The following VRK2 variants were observed in gnomAD, a reference collection of about 807,000 sequenced individuals.
VRK2 encodes VRK serine/threonine kinase 2, also known as serine/threonine-protein kinase VRK2.
In VRK2, 60 loss-of-function variants were observed where a neutral mutation model predicts 57.6. That is an observed-to-expected ratio of 1.04 (90% CI 0.85 to 1.29). VRK2 has a LOEUF of 1.29. VRK2 is among the 50% of genes most tolerant of loss of function. The pLI is 0.00. For synonymous variants in VRK2, 231 were observed against 199.2 expected (o/e 1.16, Z -1.35); for missense variants, 705 against 588.1 (o/e 1.20, Z -2.06).
At chr2:58,042,020 T>C (rs1005153013), upstream of VRK2, among the ~76,000 whole-genome samples, 3 of 152,132 alleles carry the variant, frequency 2.0e-5, no homozygotes, top group African/African-American at 4.8e-5. Flanking sequence ...AACCAAACTG[T>C]AGCCCAACCA....
intron 10 of VRK2, among the ~76,000 whole-genome samples, chr2:58,137,195 T>TATATC (rs373625694): frequency 0.34 from 7,461 of 21,790 alleles, 289 homozygotes; most frequent in East Asian, 0.42. Flanking sequence ...ATATGATACA[T>TATATC]ATATATCTCA....
At chr2:57,916,309 G>A (rs569803798) in intron 1 of VRK2, among the ~76,000 whole-genome samples, 54 of 151,908 alleles carry the variant, frequency 3.6e-4, no homozygotes, top group African/African-American at 1.3e-3. Context: ...AGGAAGTTGA[G>A]GCAGGAGAAT....
intron 2 of VRK2, among the ~76,000 whole-genome samples, chr2:58,027,601 A>G (rs1673970129): frequency 6.6e-6 from 1 of 152,170 alleles, no homozygotes; most frequent in South Asian, 2.1e-4. Context: ...AGAGTTTAAA[A>G]AGTCAATTAT....
chr2:57,963,220 G>A (rs1342588417), intron 1 of VRK2, among the ~76,000 whole-genome samples: 2 of 152,108 alleles, frequency 1.3e-5, no homozygotes, highest in Non-Finnish European at 2.9e-5. Context: ...CATTCAAACT[G>A]TAGCATGCAC....
intron 5 of VRK2, among the ~76,000 whole-genome samples, chr2:58,088,123 T>G (rs13414973): frequency 0.084 from 12,799 of 152,294 alleles, 565 homozygotes; most frequent in South Asian, 0.14. Flanking sequence ...AATGGTTCAG[T>G]ACAGCATTCT....
Position 58,001,988 on chromosome 2 carries a change from G to A in VRK2, c.-438-23677G>A, listed in dbSNP as rs530776081. Among the ~76,000 whole-genome samples, 230 of 152,066 alleles carry A rather than the reference G, an allele frequency of 1.5e-3. 2 individuals are homozygous for A. Among genetic ancestry groups the A allele is most frequent in the African/African-American group, 5.3e-3 (219 of 41,474 alleles). On this transcript the variant is annotated intron_variant, in intron 1 of 15. Transcript: ENST00000417641. ...AGAATTTAACACCACTATCAATTCT[G>A]TCAGATTACAAATTACAAAGAATCT...
chr2:58,129,234 A>G (rs1678809658), intron 8 of VRK2, among the ~76,000 whole-genome samples: 2 of 152,208 alleles, frequency 1.3e-5, no homozygotes, highest in African/African-American at 4.8e-5. Context: ...TACATTAATT[A>G]CCAAATGCCA....
At chr2:58,083,840 G>A (rs1274188933) in intron 2 of VRK2, among the ~76,000 whole-genome samples, 1 of 151,786 alleles carries the variant, frequency 6.6e-6, no homozygotes, top group African/African-American at 2.4e-5. Flanking sequence ...TATGGGCTGT[G>A]ATGTCAGGCA....
intron 1 of VRK2, among the ~76,000 whole-genome samples, chr2:58,013,242 T>C (rs1302436084): frequency 2.0e-5 from 3 of 152,224 alleles, no homozygotes; most frequent in Non-Finnish European, 2.9e-5. Context: ...AATTTGATTA[T>C]TACCAGTACA....
Position 57,950,546 on chromosome 2 carries a change from C to T in VRK2, c.-439+42707C>T, listed in dbSNP as rs577808678. On this transcript the variant is annotated intron_variant, in intron 1 of 15. Coordinates refer to the VRK2 transcript ENST00000417641. Reference sequence around the variant, plus strand: ...AGATTCCTTTCAAAATATTACTGCTCGTTGACAATCCACCTTGTCACCCAA... The same window carrying T: ...AGATTCCTTTCAAAATATTACTGCTTGTTGACAATCCACCTTGTCACCCAA... 6.2e-4 allele frequency among the ~76,000 whole-genome samples: 94 copies of T among 152,258 alleles called. 2 individuals are homozygous for T. Among genetic ancestry groups the T allele is most frequent in the African/African-American group, 1.9e-3 (79 of 41,544 alleles).
chr2:58,103,527 T>C (rs1388280663), intron 7 of VRK2, among the ~76,000 whole-genome samples: 1 of 151,546 alleles, frequency 6.6e-6, no homozygotes, highest in Non-Finnish European at 1.5e-5. Context: ...ACATACAACC[T>C]CTCAAGATTG....
At chr2:58,060,887 A>G (rs191293995) in intron 2 of VRK2, among the ~76,000 whole-genome samples, 11 of 151,976 alleles carry the variant, frequency 7.2e-5, no homozygotes, top group Admixed American at 6.6e-4. Context: ...CTCTCATTCT[A>G]TTGTATGGCC....
At chr2:58,056,294 A>G (rs958836230) in intron 2 of VRK2, among the ~76,000 whole-genome samples, 3 of 152,150 alleles carry the variant, frequency 2.0e-5, no homozygotes, top group African/African-American at 4.8e-5. Context: ...GAATACTTCA[A>G]CGTATTCAAA....
chr2:58,034,134 A>G (rs1305890300), intron 3 of VRK2, among the ~76,000 whole-genome samples: 1 of 152,018 alleles, frequency 6.6e-6, no homozygotes, highest in African/African-American at 2.4e-5. Context: ...AGATAATACC[A>G]TGTTATTTTC....
intron 10 of VRK2, among the ~76,000 whole-genome samples, chr2:58,138,233 AT>A (rs1302448466): frequency 6.6e-6 from 1 of 152,168 alleles, no homozygotes; most frequent in African/African-American, 2.4e-5. Flanking sequence ...ATGTAATTTA[AT>A]TTTTTAATCA....
upstream of VRK2, among the ~76,000 whole-genome samples, chr2:58,042,425 GCCT>G (rs1238826468): frequency 6.6e-6 from 1 of 152,092 alleles, no homozygotes; most frequent in Non-Finnish European, 1.5e-5. Context: ...AGTGCAAATG[GCCT>G]CCTGATTTTT....
At chr2:58,010,440 T>C (rs1254436460) in intron 1 of VRK2, among the ~76,000 whole-genome samples, 1 of 152,118 alleles carries the variant, frequency 6.6e-6, no homozygotes, top group African/African-American at 2.4e-5. Flanking sequence ...TTACTGCCAA[T>C]TTAATATCAA....
chr2:57,942,188 TAAATAA>T (rs1671117394), intron 1 of VRK2, among the ~76,000 whole-genome samples: 1 of 152,174 alleles, frequency 6.6e-6, no homozygotes, highest in African/African-American at 2.4e-5. Flanking sequence ...TAGTTTTTAA[TAAATAA>T]AAATAAACAG....
chr2:57,916,160 A>G (rs143160765), intron 1 of VRK2, among the ~76,000 whole-genome samples: 2,016 of 152,192 alleles, frequency 0.013, 35 homozygotes, highest in South Asian at 0.033. Context: ...TAATCCCAGC[A>G]CTTTGGGAGG....
Sources: allele counts gnomAD v4.1 joint callset (sites outside exome capture counted in the v4.1 genomes callset), GRCh38; gene constraint gnomAD v4.1.1; transcripts MANE v1.5; gene names NCBI Gene and HGNC (gene_info 2026-07-23, HGNC 2026-07-21).